The following ACACA variants were observed in gnomAD, a reference collection of about 807,000 sequenced individuals.
ACACA encodes the protein acetyl-CoA carboxylase 1.
In ACACA, 103 loss-of-function variants were observed where a neutral mutation model predicts 296.1. The ratio of observed to expected loss-of-function variants is 0.35; its 90% CI spans 0.30 to 0.41. The LOEUF is 0.41. ACACA is among the 10% of genes least tolerant of loss of function. The pLI is 1.00. For synonymous variants in ACACA, 953 were observed against 1,038.6 expected, an observed-to-expected ratio of 0.92 and a Z score of 1.58; for missense variants, 1,554 against 2,989.7, an observed-to-expected ratio of 0.52 and a Z score of 11.20.
intron 2 of ACACA, among the ~76,000 whole-genome samples, chr17:37,334,834 A>G (rs1004932163): frequency 6.6e-6 from 1 of 151,998 alleles, no homozygotes; most frequent in Non-Finnish European, 1.5e-5. Context: ...TTGATGCCCC[A>G]TTGTATAGGA....
chr17:37,395,337 G>A (rs2051041727), intron 1 of ACACA, among the ~76,000 whole-genome samples: 2 of 151,574 alleles, frequency 1.3e-5, no homozygotes, highest in South Asian at 2.1e-4. Context: ...GGCTAAGGCA[G>A]GAGAATCGCT....
At position 37,329,518 on chromosome 17, in the gene ACACA, G is replaced by A. The variant is rs192526253; in HGVS notation, c.338+655C>T. ...CAGCTAGGCGCAAGGGCATGCACTT[G>A]TAGTCCCAGCTATTCAGGAGGCTGA... On this transcript the variant is annotated intron_variant, in intron 3 of 55. Coordinates refer to ENST00000616317, the MANE Select transcript of ACACA (RefSeq NM_198834.3). Among the ~76,000 whole-genome samples, 27 of 152,000 alleles carry A rather than the reference G, an allele frequency of 1.8e-4. No homozygotes were observed. In the East Asian group the frequency reaches 5.0e-3, roughly 28 times the overall value.
chr17:37,249,090 T>C lies in ACACA; in HGVS notation c.2082-416A>G, dbSNP rs115199113. ...GAGTCTGACTACTCTTCATACTTCA[T>C]ATAAGTAAAACCATATAGTATTTGT... is the stretch of plus-strand genomic sequence containing the variant. On this transcript the variant is annotated intron_variant, in intron 16 of 55. Transcript: ENST00000616317. Among the ~76,000 whole-genome samples, 677 of 152,350 alleles carry C rather than the reference T, an allele frequency of 4.4e-3. 5 individuals are homozygous for C. The highest frequency in any genetic ancestry group is 0.016 in the African/African-American group (659 of 41,588).
At position 37,113,038 on chromosome 17, in the gene ACACA, A is replaced by G. The variant is rs2074062703; in HGVS notation, c.6452+50T>C. ...TAACATTCTCCAGGAGGAAACCAACAGCTACAGGGTCCCTAAAGGCAGTGA... is the reference window on the plus strand; with the variant it reads ...TAACATTCTCCAGGAGGAAACCAACGGCTACAGGGTCCCTAAAGGCAGTGA... On this transcript the variant is annotated intron_variant, in intron 51 of 55. Transcript: ENST00000616317. The surrounding 1 kb of genome is among the most constrained non-coding windows in gnomAD (Gnocchi z 4.0). 1 of 1,609,130 alleles carries G rather than the reference A, an allele frequency of 6.2e-7. No individual in the cohort carries two copies. The highest frequency in any genetic ancestry group is 1.1e-5 in the South Asian group (1 of 90,820).
chr17:37,275,619 C>T (rs1362518975), intron 8 of ACACA, among the ~76,000 whole-genome samples: 1 of 152,042 alleles, frequency 6.6e-6, no homozygotes, highest in Non-Finnish European at 1.5e-5. Flanking sequence ...AGACCCAATT[C>T]CCCCTGGGAA....
chr17:37,268,733 C>CTATATATATATAGATATATATATATA (rs1402309165), intron 10 of ACACA, among the ~76,000 whole-genome samples: 139 of 70,810 alleles, frequency 2.0e-3, no homozygotes, highest in Non-Finnish European at 3.2e-3. Context: ...ATCTATCTAT[C>CTATATATATATAGATATATATATATA]TATCTATCTA....
At chr17:37,377,814 C>A in intron 1 of ACACA, 3 of 1,280,188 alleles carry the variant, frequency 2.3e-6, no homozygotes, top group Non-Finnish European at 3.4e-6. Context: ...AAAGTAAGTA[C>A]CAGTAAATTC....
intron 24 of ACACA, among the ~76,000 whole-genome samples, chr17:37,238,593 T>A (rs1033677474): frequency 6.6e-6 from 1 of 152,228 alleles, no homozygotes; most frequent in African/African-American, 2.4e-5. Context: ...GGAAATTTTA[T>A]AATTAGCATT....
intron 3 of ACACA, among the ~76,000 whole-genome samples, chr17:37,309,984 GT>G (rs2084055721): frequency 1.3e-5 from 2 of 152,224 alleles, no homozygotes; most frequent in South Asian, 4.1e-4. Context: ...TGAGGCTGCA[GT>G]GAGTCCTGTT....
At chr17:37,200,856 T>C (rs1359182865) in intron 33 of ACACA, among the ~76,000 whole-genome samples, 3 of 152,160 alleles carry the variant, frequency 2.0e-5, no homozygotes, top group African/African-American at 7.2e-5. Context: ...TTGATAAAGA[T>C]GCTAAATGAA....
At chr17:37,390,158 A>ATG (rs2050742524) in intron 1 of ACACA, among the ~76,000 whole-genome samples, 1 of 61,160 alleles carries the variant, frequency 1.6e-5, no homozygotes, top group Non-Finnish European at 2.8e-5. Flanking sequence ...ATATATATAT[A>ATG]TATATATATA....
chr17:37,237,633 T>C (rs1036262204), intron 24 of ACACA, among the ~76,000 whole-genome samples: 1 of 152,256 alleles, frequency 6.6e-6, no homozygotes, highest in African/African-American at 2.4e-5. Flanking sequence ...AATATCTTTC[T>C]ATATCTTTTG....
At chr17:37,309,995 T>C (rs1157038900) in intron 3 of ACACA, among the ~76,000 whole-genome samples, 1 of 152,040 alleles carries the variant, frequency 6.6e-6, no homozygotes, top group African/African-American at 2.4e-5. Context: ...TGAGTCCTGT[T>C]TGCACTACTC....
chr17:37,096,962 A>C (rs763169152), intron 54 of ACACA, 34 bp downstream of exon 54: 2 of 1,613,730 alleles, frequency 1.2e-6, no homozygotes, highest in Admixed American at 3.3e-5. Context: ...TGAGGAACTC[A>C]GCAAAAAGGC....
chr17:37,088,919 T>A lies in ACACA; in HGVS notation c.7028+19A>T. On this transcript the variant is annotated intron_variant, in intron 55 of 55. Transcript: ENST00000616317. ...AATTAGCCCTCCTTCTCTAGTGGAG[T>A]TCCCCACGTTGGTCTCACCTGCGGA... 2.5e-6 allele frequency: 4 copies of A among 1,614,032 alleles called. No homozygotes were observed. The highest frequency in any genetic ancestry group is 3.4e-6 in the Non-Finnish European group (4 of 1,179,910).
At chr17:37,329,467 C>A (rs765598506) in intron 3 of ACACA, among the ~76,000 whole-genome samples, 6 of 151,750 alleles carry the variant, frequency 4.0e-5, no homozygotes, top group African/African-American at 1.5e-4. Context: ...TGGCGAAACC[C>A]GGTGTCTATC....
chr17:37,246,671 G>A (rs1300297987), intron 19 of ACACA, among the ~76,000 whole-genome samples, 155 bp downstream of exon 19: 1 of 151,808 alleles, frequency 6.6e-6, no homozygotes, highest in Non-Finnish European at 1.5e-5. Flanking sequence ...GGGCTCAAGC[G>A]ATCTTCCTGC....
At chr17:37,103,860 G>T (rs1013958263) in intron 52 of ACACA, among the ~76,000 whole-genome samples, 6 of 152,068 alleles carry the variant, frequency 3.9e-5, no homozygotes. Flanking sequence ...AACAGAGCGA[G>T]ACCCTGTCTT....
intron 41 of ACACA, among the ~76,000 whole-genome samples, chr17:37,174,303 G>A (rs562609399): frequency 6.6e-6 from 1 of 151,004 alleles, no homozygotes; most frequent in African/African-American, 2.4e-5. Flanking sequence ...CTTATTGCAG[G>A]AACACTAGGT....
Sources: gnomAD v4.1 joint callset for allele counts (sites outside exome capture counted in the v4.1 genomes callset) on GRCh38, gnomAD v4.1.1 for gene constraint, Gnocchi (gnomAD v3.1) non-coding constraint, MANE v1.5 for transcripts, NCBI Gene and HGNC (gene_info 2026-07-23, HGNC 2026-07-21) for gene names.